The following CFAP47 variants were observed in gnomAD, a reference collection of about 807,000 sequenced individuals.
The protein encoded by CFAP47 is cilia and flagella associated protein 47.
In CFAP47, 29 loss-of-function variants were observed where a neutral mutation model predicts 148.1. That is an observed-to-expected ratio of 0.20 (90% CI 0.15 to 0.27). CFAP47 has a LOEUF of 0.27. CFAP47 is among the 10% of genes least tolerant of loss of function. The pLI is 1.00. For missense variants in CFAP47, 1,872 were observed against 1,697.5 expected (o/e 1.10, Z -1.81); for synonymous variants, 664 against 577.3 (o/e 1.15, Z -2.15).
chrX:36,167,577 C>T (rs189455962), intron 39 of CFAP47, among the ~76,000 whole-genome samples: 1 of 111,357 alleles, frequency 9.0e-6, no homozygotes, highest in Non-Finnish European at 1.9e-5. Flanking sequence ...GAGCTTCTCA[C>T]GGTCTCTCAA....
At chrX:36,033,257 G>C (rs1015179878) in intron 23 of CFAP47, among the ~76,000 whole-genome samples, 2 of 112,028 alleles carry the variant, frequency 1.8e-5, no homozygotes, top group Non-Finnish European at 3.8e-5. Flanking sequence ...AAAATTGGTT[G>C]CTTCTGGGAA....
intron 30 of CFAP47, among the ~76,000 whole-genome samples, chrX:36,096,230 A>C (rs1439515739): frequency 1.8e-5 from 2 of 111,352 alleles, no homozygotes; most frequent in Non-Finnish European, 3.8e-5. Context: ...GAATGTTTAT[A>C]TATAATTGAA....
Position 35,924,247 on chromosome X carries a change from G to A in CFAP47, c.250-1770G>A, listed in dbSNP as rs370279649. On this transcript the variant is annotated intron_variant, in intron 1 of 63. Coordinates refer to ENST00000378653, the MANE Select transcript of CFAP47 (RefSeq NM_001304548.2). ...TGTGTATATATGGACATGTATGTGT[G>A]CATATGGACATGTATGTGTACATGT... Among the ~76,000 whole-genome samples, 53 of 89,090 alleles carry A rather than the reference G, an allele frequency of 5.9e-4. 5 individuals are homozygous for A. Among genetic ancestry groups the A allele is most frequent in the African/African-American group, 2.4e-3 (45 of 18,430 alleles). 77.4% of individuals were successfully genotyped at this position (89,090 alleles called of 115,157 possible).
rs181913031 is a variant in CFAP47, at chrX:36,083,247, G to A, written c.4692-2067G>A. ...ATGTGCATACATACATATAGATGTA[G>A]TATACATATATGCATGTATACATGC... On this transcript the variant is annotated intron_variant, in intron 29 of 63. Coordinates refer to ENST00000378653, the MANE Select transcript of CFAP47 (RefSeq NM_001304548.2). 8.2e-5 allele frequency among the ~76,000 whole-genome samples: 9 copies of A among 109,850 alleles called. No individual in the cohort carries two copies. In the South Asian group the frequency reaches 1.9e-3, roughly 23 times the overall value.
chrX:35,969,907 G>GT lies in CFAP47; in HGVS notation c.1815-853dup, dbSNP rs751602644. Among the ~76,000 whole-genome samples, 33 of 110,664 alleles carry GT rather than the reference G, an allele frequency of 3.0e-4. No individual in the cohort carries two copies. The South Asian group carries it at 5.3e-3, about 18-fold the overall frequency. On this transcript the variant is annotated intron_variant, in intron 10 of 63. Coordinates refer to ENST00000378653, the MANE Select transcript of CFAP47 (RefSeq NM_001304548.2). ...TTGTGACTAATACCTTCATACTTAT[G>GT]TTTTTTTTCTTTTTTTTCATTATAC...
chrX:36,355,045 AT>A (rs1157619255), intron 60 of CFAP47, among the ~76,000 whole-genome samples: 21 of 111,219 alleles, frequency 1.9e-4, no homozygotes, highest in African/African-American at 6.5e-4. Flanking sequence ...TAATAATCTG[AT>A]TTTTTAAATA....
In CFAP47 at chrX:35,951,806, A is replaced by G; in HGVS notation, c.889A>G (p.Thr297Ala). Residue 297 changes from threonine (T) to alanine (A), a missense_variant, in exon 6 of 64, where the codon ACA (threonine) becomes GCA (alanine). Thr to Ala is a moderately conservative substitution (Grantham distance 58). Coordinates refer to ENST00000378653, the MANE Select transcript of CFAP47 (RefSeq NM_001304548.2). ...QDDAVGEELG[T>A]DIQQRTDIAL... ...TATATCTGACTTTATATTACAGGGT[A>G]CAGATATTCAACAAAGAACAGATAT... The G allele has an allele frequency of 7.1e-6, 8 of 1,131,130 alleles. No individual in the cohort carries two copies. Among genetic ancestry groups the G allele is most frequent in the Non-Finnish European group, 9.3e-6 (8 of 863,091 alleles). The allele number at this position is 1,131,130 out of a possible 1,213,427, so 93.2% of individuals were successfully genotyped here. A position where few individuals can be genotyped will look rare whatever the true frequency, so the allele number is the denominator to read the frequency against.
intron 56 of CFAP47, among the ~76,000 whole-genome samples, chrX:36,318,703 C>T (rs903108831): frequency 1.3e-4 from 14 of 111,954 alleles, no homozygotes; most frequent in African/African-American, 4.5e-4. Flanking sequence ...GGATATGGAA[C>T]CCATGGATAC....
intron 29 of CFAP47, among the ~76,000 whole-genome samples, chrX:36,084,728 G>C (rs1938048945): frequency 8.9e-6 from 1 of 111,931 alleles, no homozygotes; most frequent in African/African-American, 3.2e-5. Flanking sequence ...AGAGATTGCA[G>C]TATCTGATTT....
intron 35 of CFAP47, chrX:36,144,964 C>G: frequency 1.6e-6 from 1 of 638,106 alleles, no homozygotes; most frequent in Non-Finnish European, 2.2e-6. Context: ...TCCCTGGGAG[C>G]CCCTATTGGC....
chrX:36,235,178 G>C (rs1299374916), intron 46 of CFAP47, among the ~76,000 whole-genome samples: 1 of 111,716 alleles, frequency 9.0e-6, no homozygotes, highest in East Asian at 2.8e-4. Context: ...AGTCTGCAGA[G>C]GTTACTGCTG....
At chrX:36,300,423 G>A (rs1941287095) in intron 52 of CFAP47, among the ~76,000 whole-genome samples, 2 of 109,790 alleles carry the variant, frequency 1.8e-5, no homozygotes, top group African/African-American at 3.3e-5. Context: ...CCAAATAGCC[G>A]GGATTACAGG....
At chrX:35,940,666 C>T (rs893902570) in intron 2 of CFAP47, among the ~76,000 whole-genome samples, 1 of 110,517 alleles carries the variant, frequency 9.0e-6, no homozygotes, top group African/African-American at 3.3e-5. Flanking sequence ...CTCTCCCCCG[C>T]TCTCTCTCTC....
intron 49 of CFAP47, among the ~76,000 whole-genome samples, chrX:36,276,022 A>G (rs1941012611): frequency 9.1e-6 from 1 of 110,112 alleles, no homozygotes; most frequent in Non-Finnish European, 1.9e-5. Context: ...TTATTTTGGT[A>G]AAATTCATAG....
chrX:35,924,236 C>A (rs1330115271), intron 1 of CFAP47, among the ~76,000 whole-genome samples: 3 of 89,333 alleles, frequency 3.4e-5, no homozygotes, highest in Non-Finnish European at 6.3e-5. Flanking sequence ...TATATATGGA[C>A]ATGTATGTGT....
At chrX:36,346,229 T>TG (rs1569322768) in intron 57 of CFAP47, among the ~76,000 whole-genome samples, 18 of 109,554 alleles carry the variant, frequency 1.6e-4, no homozygotes, top group South Asian at 7.7e-4. Context: ...GTGTGTGTGT[T>TG]TTTTTTTAAA....
At chrX:35,997,287 A>G (rs1468082583) in intron 18 of CFAP47, 25 bp from the exon 19 acceptor site, 1 of 291,165 alleles carries the variant, frequency 3.4e-6, no homozygotes, top group Non-Finnish European at 6.0e-6. Flanking sequence ...TGGTTTCTAC[A>G]AAGTTTTTAT....
rs1556004438 is a variant in CFAP47, at chrX:36,285,738, T to C, written c.7686+12T>C. Reference sequence around the variant, plus strand: ...CATGTATTGCTCTGGTAAGTGCCCATTGCATGTTCATAGACTCTGTCATTT... The same window carrying C: ...CATGTATTGCTCTGGTAAGTGCCCACTGCATGTTCATAGACTCTGTCATTT... On this transcript the variant is annotated intron_variant, in intron 51 of 63. Coordinates refer to ENST00000378653, the MANE Select transcript of CFAP47 (RefSeq NM_001304548.2). 2 of 1,135,578 alleles carry C rather than the reference T, an allele frequency of 1.8e-6. No individual in the cohort carries two copies. Among genetic ancestry groups the C allele is most frequent in the Non-Finnish European group, 2.4e-6 (2 of 849,191 alleles). 93.6% of individuals were successfully genotyped at this position (1,135,578 alleles called of 1,213,427 possible).
At chrX:36,359,448 C>G (rs1200604904) in intron 60 of CFAP47, among the ~76,000 whole-genome samples, 3 of 111,875 alleles carry the variant, frequency 2.7e-5, no homozygotes, top group Non-Finnish European at 5.6e-5. Flanking sequence ...TATTAAAAGC[C>G]ATTTTTTATT....
Sources: gnomAD v4.1 joint callset for allele counts (sites outside exome capture counted in the v4.1 genomes callset) on GRCh38, gnomAD v4.1.1 for gene constraint, MANE v1.5 for transcripts, NCBI Gene and HGNC (gene_info 2026-07-23, HGNC 2026-07-21) for gene names.